Variants in PCDH11X observed in about 807,000 individuals in gnomAD.
PCDH11X encodes protocadherin 11 X-linked, also known as protocadherin-11 X-linked.
In PCDH11X, 18 loss-of-function variants were observed where a neutral mutation model predicts 53.3. The observed-to-expected ratio is 0.34, with a 90% CI of 0.23 to 0.50. The LOEUF is 0.50. PCDH11X is among the 20% of genes least tolerant of loss of function. The pLI, the probability that PCDH11X is intolerant of heterozygous loss-of-function variation, is 0.98. For missense variants in PCDH11X, 570 were observed against 1,032.4 expected (o/e 0.55, Z 6.14); for synonymous variants, 279 against 393.3 (o/e 0.71, Z 3.44).
intron 8 of PCDH11X, among the ~76,000 whole-genome samples, chrX:92,324,703 G>A (rs1297503044): frequency 1.0e-5 from 1 of 96,558 alleles, no homozygotes; most frequent in Non-Finnish European, 2.1e-5. Flanking sequence ...ATTTTCAGGG[G>A]TACATGTGCA....
At chrX:92,234,799 A>G (rs2067141083) in intron 7 of PCDH11X, among the ~76,000 whole-genome samples, 1 of 111,378 alleles carries the variant, frequency 9.0e-6, no homozygotes, top group African/African-American at 3.3e-5. Flanking sequence ...GGAGGAAACA[A>G]TGAGTTTTAC....
At chrX:92,396,123 A>G (rs6619002) in intron 9 of PCDH11X, among the ~76,000 whole-genome samples, 12,540 of 104,584 alleles carry the variant, frequency 0.12, 1,247 homozygotes, top group East Asian at 0.63. Context: ...ACTTTTCACT[A>G]TGCTTATCTA....
At chrX:91,811,643 G>C (rs1936297068) in intron 4 of PCDH11X, among the ~76,000 whole-genome samples, 1 of 109,983 alleles carries the variant, frequency 9.1e-6, no homozygotes, top group Non-Finnish European at 1.9e-5. Flanking sequence ...CAATGAAGTT[G>C]TAAAGGCCCC....
intron 6 of PCDH11X, among the ~76,000 whole-genome samples, chrX:92,139,613 CAAAT>C (rs916319239): frequency 8.1e-5 from 9 of 110,590 alleles, no homozygotes; most frequent in African/African-American, 3.0e-4. Flanking sequence ...GTACTTCACT[CAAAT>C]AAAATCTGTA....
At chrX:91,970,416 C>A (rs1223705076) in intron 6 of PCDH11X, among the ~76,000 whole-genome samples, 1 of 111,362 alleles carries the variant, frequency 9.0e-6, no homozygotes, top group African/African-American at 3.3e-5. Flanking sequence ...GGTGTATTTA[C>A]AATCCTTTAG....
chrX:91,981,717 A>G lies in PCDH11X; in HGVS notation c.3033+102444A>G, dbSNP rs181092692. Among the ~76,000 whole-genome samples, 654 of 109,560 alleles carry G rather than the reference A, an allele frequency of 6.0e-3. 4 individuals are homozygous for G. Among genetic ancestry groups the G allele is most frequent in the African/African-American group, 0.021 (627 of 30,051 alleles). ...CAATCATAGTGGAAGGCAAGGAGGA[A>G]CAAGTCACACCTTATGTGGATGGCA... On this transcript the variant is annotated intron_variant, in intron 6 of 10. Transcript: ENST00000682573.
At chrX:91,870,348 T>C (rs1939221298) in intron 5 of PCDH11X, among the ~76,000 whole-genome samples, 1 of 111,231 alleles carries the variant, frequency 9.0e-6, no homozygotes, top group Admixed American at 9.6e-5. Flanking sequence ...AATGAAATGG[T>C]ATTTATTATA....
chrX:92,080,539 G>A (rs1312723224), intron 6 of PCDH11X, among the ~76,000 whole-genome samples: 2 of 111,111 alleles, frequency 1.8e-5, no homozygotes, highest in East Asian at 5.7e-4. Context: ...GCACAAGTTG[G>A]GAATTTTACC....
chrX:91,869,778 CATA>C (rs1271424525), intron 5 of PCDH11X, among the ~76,000 whole-genome samples: 1 of 111,057 alleles, frequency 9.0e-6, no homozygotes, highest in African/African-American at 3.3e-5. Context: ...TAAACATTTG[CATA>C]ATATTAAAGA....
chrX:92,008,508 A>C (rs1262888014), intron 6 of PCDH11X, among the ~76,000 whole-genome samples: 1 of 110,710 alleles, frequency 9.0e-6, no homozygotes, highest in Non-Finnish European at 1.9e-5. Context: ...CACCATGCCG[A>C]GGTGGGGGAG....
chrX:91,942,792 A>G (rs920423088), intron 6 of PCDH11X, among the ~76,000 whole-genome samples: 1 of 111,377 alleles, frequency 9.0e-6, no homozygotes, highest in Non-Finnish European at 1.9e-5. Flanking sequence ...AACATCCTTA[A>G]TGAATATAGA....
intron 8 of PCDH11X, among the ~76,000 whole-genome samples, chrX:92,292,504 G>A (rs1399772298): frequency 8.9e-6 from 1 of 111,826 alleles, no homozygotes; most frequent in Non-Finnish European, 1.9e-5. Flanking sequence ...TTAAAATTAG[G>A]TATATAGAGG....
At chrX:92,317,107 C>T (rs977006875) in intron 8 of PCDH11X, among the ~76,000 whole-genome samples, 7 of 110,916 alleles carry the variant, frequency 6.3e-5, no homozygotes, top group South Asian at 3.8e-4. Flanking sequence ...AAATATGATG[C>T]GGACAAGAGT....
At chrX:92,211,019 G>A (rs1393266499) in intron 7 of PCDH11X, among the ~76,000 whole-genome samples, 1 of 111,767 alleles carries the variant, frequency 8.9e-6, no homozygotes, top group Admixed American at 9.5e-5. Flanking sequence ...CAGTTACTCA[G>A]TTCCAAAGTC....
At chrX:92,244,765 G>C (rs997253423) in intron 7 of PCDH11X, among the ~76,000 whole-genome samples, 3 of 111,489 alleles carry the variant, frequency 2.7e-5, no homozygotes, top group Non-Finnish European at 3.8e-5. Flanking sequence ...TGGTAGAATT[G>C]GGTTTTGAGA....
chrX:92,495,004 A>G (rs1439986700), intron 10 of PCDH11X, among the ~76,000 whole-genome samples: 4 of 92,267 alleles, frequency 4.3e-5, no homozygotes, highest in Non-Finnish European at 8.6e-5. Context: ...GTAGTCATAC[A>G]GTTTTACATG....
At chrX:92,138,517 CAATT>C (rs201772870) in intron 6 of PCDH11X, among the ~76,000 whole-genome samples, 4,426 of 110,167 alleles carry the variant, frequency 0.04, 213 homozygotes, top group African/African-American at 0.14. Flanking sequence ...TTAAAATTAA[CAATT>C]AATGGATATT....
intron 8 of PCDH11X, among the ~76,000 whole-genome samples, chrX:92,383,326 T>G (rs35072479): frequency 0.043 from 3,742 of 86,086 alleles, 139 homozygotes; most frequent in African/African-American, 0.13. Flanking sequence ...TAAATGTTTT[T>G]TTTTTTTTTT....
chrX:91,998,643 C>A (rs1215611329), intron 6 of PCDH11X, among the ~76,000 whole-genome samples: 1 of 110,622 alleles, frequency 9.0e-6, no homozygotes, highest in Non-Finnish European at 1.9e-5. Context: ...CTTAGTCCAT[C>A]CAGACTAACC....
Sources: allele counts gnomAD v4.1 joint callset (sites outside exome capture counted in the v4.1 genomes callset), GRCh38; gene constraint gnomAD v4.1.1; transcripts MANE v1.5; gene names NCBI Gene and HGNC (gene_info 2026-07-23, HGNC 2026-07-21).